Variants in RAB2A observed in about 807,000 individuals in gnomAD.
RAB2A encodes RAB2A, member RAS oncogene family.
Under a neutral mutation model 32.5 loss-of-function variants are expected in RAB2A, and 7 were observed. The ratio of observed to expected loss-of-function variants is 0.22; its 90% CI spans 0.12 to 0.40. The LOEUF (loss-of-function observed/expected upper bound fraction) is 0.40, where lower values mean the gene tolerates loss of function less well. RAB2A is among the 10% of genes least tolerant of loss of function. RAB2A has a pLI of 1.00. For synonymous variants in RAB2A, 79 were observed against 85.2 expected (o/e 0.93, Z 0.40); for missense variants, 108 against 260.7 (o/e 0.41, Z 4.03).
intron 1 of RAB2A, among the ~76,000 whole-genome samples, chr8:60,553,197 T>C (rs1031574746): frequency 6.6e-6 from 1 of 152,126 alleles, no homozygotes; most frequent in Admixed American, 6.5e-5. Flanking sequence ...GAAATTGAAA[T>C]TGATTGTTTA....
chr8:60,524,061 C>T (rs1019838269), intron 1 of RAB2A, among the ~76,000 whole-genome samples: 5 of 151,996 alleles, frequency 3.3e-5, no homozygotes, highest in Non-Finnish European at 5.9e-5. Context: ...ATATTTATAC[C>T]GTGCCTGAGA....
intron 1 of RAB2A, among the ~76,000 whole-genome samples, chr8:60,535,407 T>A (rs1807542574): frequency 6.6e-6 from 1 of 152,256 alleles, no homozygotes; most frequent in East Asian, 1.9e-4. Context: ...CCTGTGTGTG[T>A]GTACATGTGT....
At chr8:60,618,706 ATT>A (rs774742889) in intron 7 of RAB2A, 58 bp downstream of exon 7, 1 of 631,366 alleles carries the variant, frequency 1.6e-6, no homozygotes, top group Non-Finnish European at 2.2e-6. Flanking sequence ...TTTGATTACT[ATT>A]TTATATTTTT....
chr8:60,529,088 CT>C (rs34685294), intron 1 of RAB2A, among the ~76,000 whole-genome samples: 69 of 149,642 alleles, frequency 4.6e-4, no homozygotes, highest in Admixed American at 6.7e-4. Flanking sequence ...AAGCATGTTT[CT>C]TTTTTTTTTC....
intron 3 of RAB2A, among the ~76,000 whole-genome samples, chr8:60,576,755 A>C (rs569646687): frequency 3.9e-5 from 6 of 152,320 alleles, no homozygotes; most frequent in Admixed American, 2.6e-4. Context: ...TGAGGGCTGA[A>C]AACAATACTG....
chr8:60,552,001 G>GTTTGTTTTTTTTTTTT, intron 1 of RAB2A: 1 of 109,750 alleles, frequency 9.1e-6, no homozygotes, highest in South Asian at 3.2e-4. Flanking sequence ...GTAGCTGGGA[G>GTTTGTTTTTTTTTTTT]TTTTTTTTTT....
intron 1 of RAB2A, among the ~76,000 whole-genome samples, chr8:60,535,114 A>T (rs1221010174): frequency 1.3e-5 from 2 of 152,224 alleles, no homozygotes; most frequent in Non-Finnish European, 2.9e-5. Context: ...CACAGGTAGG[A>T]GAAAGAAATC....
intron 6 of RAB2A, among the ~76,000 whole-genome samples, chr8:60,596,550 A>G (rs1309218056): frequency 2.0e-5 from 3 of 152,228 alleles, no homozygotes; most frequent in Admixed American, 2.0e-4. Context: ...AAAACTCATT[A>G]TTACTGGTCA....
chr8:60,599,616 AAC>A (rs1351385638), intron 6 of RAB2A, among the ~76,000 whole-genome samples: 1 of 152,184 alleles, frequency 6.6e-6, no homozygotes, highest in Non-Finnish European at 1.5e-5. Flanking sequence ...GTAACCTGGA[AAC>A]ACGCGTACAA....
intron 1 of RAB2A, among the ~76,000 whole-genome samples, chr8:60,519,373 T>C (rs534587831): frequency 1.3e-5 from 2 of 152,170 alleles, no homozygotes; most frequent in Non-Finnish European, 2.9e-5. Context: ...CAGTGACTGA[T>C]TTTGGTGTTT....
intron 1 of RAB2A, chr8:60,552,001 GTT>G (rs78161048): frequency 9.1e-5 from 10 of 109,736 alleles, no homozygotes; most frequent in Non-Finnish European, 1.3e-4. Flanking sequence ...GTAGCTGGGA[GTT>G]TTTTTTTTTT....
At chr8:60,604,457 G>A (rs1326532464) in intron 6 of RAB2A, among the ~76,000 whole-genome samples, 3 of 152,198 alleles carry the variant, frequency 2.0e-5, no homozygotes, top group African/African-American at 7.2e-5. Flanking sequence ...TTGGAAGAGT[G>A]TGGAGGGCTC....
intron 7 of RAB2A, 148 bp from the exon 8 acceptor site, chr8:60,620,526 A>G: frequency 1.6e-6 from 1 of 630,078 alleles, no homozygotes; most frequent in Non-Finnish European, 2.8e-6. Flanking sequence ...CTTAGGAGAT[A>G]TTGTTTTAAT....
At chr8:60,541,736 C>A (rs1235574755) in intron 1 of RAB2A, among the ~76,000 whole-genome samples, 1 of 152,140 alleles carries the variant, frequency 6.6e-6, no homozygotes, top group Non-Finnish European at 1.5e-5. Flanking sequence ...CTGAATATAT[C>A]ATATTATTAC....
chr8:60,598,117 G>A (rs545682216), intron 6 of RAB2A, among the ~76,000 whole-genome samples: 1 of 152,160 alleles, frequency 6.6e-6, no homozygotes, highest in Admixed American at 6.5e-5. Flanking sequence ...AAAATCGCTT[G>A]AACCCAGGAG....
intron 6 of RAB2A, among the ~76,000 whole-genome samples, chr8:60,603,733 A>G (rs1259108661): frequency 1.3e-5 from 2 of 152,208 alleles, no homozygotes; most frequent in African/African-American, 4.8e-5. Context: ...TTATTATTAA[A>G]AATGAGTGCA....
Position 60,620,990 on chromosome 8 carries a change from G to A in RAB2A, c.*221G>A. The A allele has an allele frequency of 2.2e-6, 1 of 461,982 alleles. No individual in the cohort carries two copies. The allele number at this position is 461,982 out of a possible 1,614,324, so 28.6% of individuals were successfully genotyped here. On this transcript the variant is annotated 3_prime_UTR_variant, in exon 8 of 8. Transcript: ENST00000262646. The stretch of plus-strand genomic sequence containing the variant: ...ATATCTATTTGCATTTGATTTCTAG[G>A]TCAATTGATGTGATTATTTTTGTTA...
intron 1 of RAB2A, among the ~76,000 whole-genome samples, chr8:60,547,807 T>C (rs560040373): frequency 3.9e-4 from 35 of 89,464 alleles, no homozygotes; most frequent in South Asian, 9.1e-4. Context: ...ACTTCCCGGA[T>C]GGGGCGGCTG....
intron 4 of RAB2A, among the ~76,000 whole-genome samples, 177 bp from the exon 5 acceptor site, chr8:60,584,546 A>G (rs1803817632): frequency 6.6e-6 from 1 of 152,238 alleles, no homozygotes; most frequent in African/African-American, 2.4e-5. Context: ...ATTACATTTA[A>G]TTTATAAACT....
Sources: gnomAD v4.1 joint callset for allele counts (sites outside exome capture counted in the v4.1 genomes callset) on GRCh38, gnomAD v4.1.1 for gene constraint, MANE v1.5 for transcripts, NCBI Gene and HGNC (gene_info 2026-07-23, HGNC 2026-07-21) for gene names.